The following FA2H variants were observed in gnomAD, a reference collection of about 807,000 sequenced individuals.
FA2H encodes the protein fatty acid alpha-hydroxylase.
A neutral mutation model predicts 44.9 loss-of-function variants in FA2H; 22 were observed. That is an observed-to-expected ratio of 0.49 (90% CI 0.35 to 0.70). The LOEUF (loss-of-function observed/expected upper bound fraction) is 0.70, where lower values mean the gene tolerates loss of function less well. Among genes scored for constraint, FA2H ranks in the 30% least tolerant of loss-of-function variants. FA2H has a pLI of 0.01. For synonymous variants in FA2H, 243 were observed against 213.2 expected (o/e 1.14, Z -1.22); for missense variants, 501 against 504.9 (o/e 0.99, Z 0.07).
chr16:74,718,327 T>A (rs8047571), intron 5 of FA2H, among the ~76,000 whole-genome samples: 1 of 151,928 alleles, frequency 6.6e-6, no homozygotes, highest in Non-Finnish European at 1.5e-5. Flanking sequence ...CAGCCTGGGA[T>A]GGGCCAAGGA....
At chr16:74,731,457 A>C (rs1256111287) in intron 2 of FA2H, among the ~76,000 whole-genome samples, 1 of 151,894 alleles carries the variant, frequency 6.6e-6, no homozygotes, top group Non-Finnish European at 1.5e-5. Flanking sequence ...TCTGCCTTTC[A>C]ATTGAAGCAT....
intron 1 of FA2H, among the ~76,000 whole-genome samples, chr16:74,764,861 T>C (rs1962778627): frequency 6.6e-6 from 1 of 152,102 alleles, no homozygotes; most frequent in South Asian, 2.1e-4. Context: ...ACCTGGGACA[T>C]ACCTATGAGT....
rs1041098432 is a variant in FA2H, at chr16:74,728,281, G to A, written c.364-895C>T. ...TCTTCAAAAATAAAAAAATAATAACGGTACCTGCATTAAGTGCTCAATGAG... is the reference window on the plus strand; with the variant it reads ...TCTTCAAAAATAAAAAAATAATAACAGTACCTGCATTAAGTGCTCAATGAG... On this transcript the variant is annotated intron_variant, in intron 2 of 6. Coordinates refer to ENST00000219368, the MANE Select transcript of FA2H (RefSeq NM_024306.5). Among the ~76,000 whole-genome samples the A allele has an allele frequency of 5.3e-5, 8 of 152,166 alleles. No homozygotes were observed. The South Asian group carries it at 1.2e-3, about 24-fold the overall frequency.
At chr16:74,715,768 C>G (rs79115979) in intron 6 of FA2H, among the ~76,000 whole-genome samples, 4,498 of 152,172 alleles carry the variant, frequency 0.03, 92 homozygotes, top group Non-Finnish European at 0.045. Context: ...GACCCTCCCC[C>G]ACCTATGTGA....
At chr16:74,753,603 T>G (rs946332472) in intron 1 of FA2H, among the ~76,000 whole-genome samples, 1 of 151,670 alleles carries the variant, frequency 6.6e-6, no homozygotes, top group Non-Finnish European at 1.5e-5. Flanking sequence ...AACCCAGGAG[T>G]TGGAGGTTGC....
chr16:74,748,288 T>C (rs1293552278), intron 1 of FA2H, among the ~76,000 whole-genome samples: 3 of 152,246 alleles, frequency 2.0e-5, no homozygotes, highest in Non-Finnish European at 4.4e-5. Flanking sequence ...TGTTCTATTC[T>C]GCACTTCCCC....
At chr16:74,724,214 T>A (rs1472858638) in intron 4 of FA2H, among the ~76,000 whole-genome samples, 1 of 152,182 alleles carries the variant, frequency 6.6e-6, no homozygotes, top group Non-Finnish European at 1.5e-5. Flanking sequence ...AGCTCTCTTG[T>A]TGGTAAGGAA....
chr16:74,754,929 G>A (rs1239221930), intron 1 of FA2H, among the ~76,000 whole-genome samples: 1 of 152,090 alleles, frequency 6.6e-6, no homozygotes. Context: ...AGGGGACTGA[G>A]GAGACATTGA....
At chr16:74,718,964 G>A (rs375122652) in intron 5 of FA2H, 24 bp downstream of exon 5, 70 of 1,612,236 alleles carry the variant, frequency 4.3e-5, no homozygotes, top group Middle Eastern at 3.4e-4. Context: ...TGCTAGGTCC[G>A]GGCTGGGACC....
Position 74,774,547 on chromosome 16 carries a change from G to T in FA2H, c.209C>A (p.Ser70Ter). 1.3e-6 allele frequency: 2 copies of T among 1,545,658 alleles called. No individual in the cohort carries two copies. The highest frequency in any genetic ancestry group is 1.7e-6 in the Non-Finnish European group (2 of 1,155,978). ...ADLDGPPHRH[S>*]ANARRWLEQY... ...CTCCAGCCAGCGGCGCGCGTTGGCC[G>T]AGTGCCTGTGCGGCGGCCCGTCCAG... Residue 70 changes from serine to a stop codon, truncating the protein, a stop_gained, in exon 1 of 7, where the codon TCG becomes TAG. Coordinates refer to ENST00000219368, the MANE Select transcript of FA2H (RefSeq NM_024306.5). LOFTEE classifies it high-confidence loss of function.
intron 1 of FA2H, 58 bp from the exon 2 acceptor site, chr16:74,740,173 C>A: frequency 7.3e-7 from 1 of 1,376,006 alleles, no homozygotes; most frequent in Non-Finnish European, 1.0e-6. Context: ...AGGGCAGAGC[C>A]CCGAGCTGCC....
intron 1 of FA2H, among the ~76,000 whole-genome samples, chr16:74,765,727 A>T (rs763685977): frequency 9.9e-4 from 149 of 151,180 alleles, no homozygotes; most frequent in Non-Finnish European, 1.9e-3. Context: ...ATGTTGGAAA[A>T]TTTTTTTGTA....
intron 5 of FA2H, among the ~76,000 whole-genome samples, chr16:74,718,400 A>C (rs1435017154): frequency 6.6e-6 from 1 of 152,054 alleles, no homozygotes; most frequent in African/African-American, 2.4e-5. Flanking sequence ...CTTTGGGCAG[A>C]CCTATCTTCT....
rs1961700104 is a variant in FA2H, at chr16:74,716,438, G to A, written c.948C>T (p.Tyr316=). 1.9e-6 allele frequency: 3 copies of A among 1,614,076 alleles called. No homozygotes were observed. Among genetic ancestry groups the A allele is most frequent in the South Asian group, 2.2e-5 (2 of 91,080 alleles). The change falls in exon 6 of 7, where the codon TAC becomes TAT. Residue 316 remains tyrosine (Y), a synonymous_variant. Transcript: ENST00000219368. The part of the protein sequence containing the change: ...LGYVLYDMTH[Y]YLHFGSPHKG... ...TGTGCGGCGAGCCAAAGTGCAGGTA[G>A]TAATGGGTCATGTCATAGAGGACGT...
chr16:74,720,178 T>A (rs1489224874), intron 4 of FA2H, among the ~76,000 whole-genome samples: 2 of 116,742 alleles, frequency 1.7e-5, no homozygotes, highest in Middle Eastern at 4.8e-3. Flanking sequence ...TTCATCCTCA[T>A]CCTTTTTTTT....
intron 1 of FA2H, among the ~76,000 whole-genome samples, chr16:74,773,488 T>C (rs953578572): frequency 2.0e-5 from 3 of 152,312 alleles, no homozygotes; most frequent in Non-Finnish European, 2.9e-5. Context: ...GATGGCCCCA[T>C]ACCAGTCCCA....
rs117441113 is a variant in FA2H at position 74,754,431 on chromosome 16, T to A, written c.271-14316A>T. ...AACAAAAAACAAAAAACAAAAAAAA[T>A]TTACTGGGAGGAATAGTGTTCCTCC... On this transcript the variant is annotated intron_variant, in intron 1 of 6. Transcript: ENST00000219368. Among the ~76,000 whole-genome samples, 130 of 151,958 alleles carry A rather than the reference T, an allele frequency of 8.6e-4. 1 individual carries two copies. The East Asian group carries it at 0.023, about 27-fold the overall frequency.
At chr16:74,718,954 T>C (rs1217439622) in intron 5 of FA2H, 34 bp downstream of exon 5, 1 of 1,610,820 alleles carries the variant, frequency 6.2e-7, no homozygotes, top group South Asian at 1.1e-5. Context: ...GGGCTGCACA[T>C]GCTAGGTCCG....
At chr16:74,770,042 A>G (rs1347625367) in intron 1 of FA2H, among the ~76,000 whole-genome samples, 1 of 152,150 alleles carries the variant, frequency 6.6e-6, no homozygotes, top group African/African-American at 2.4e-5. Flanking sequence ...TCCCTGGGGG[A>G]AGGGCCAGGA....
Sources: allele counts gnomAD v4.1 joint callset (sites outside exome capture counted in the v4.1 genomes callset), GRCh38; gene constraint gnomAD v4.1.1; transcripts MANE v1.5; gene names NCBI Gene and HGNC (gene_info 2026-07-23, HGNC 2026-07-21).